Variants in OTP observed in about 807,000 individuals in gnomAD.
OTP encodes homeobox protein orthopedia.
OTP carries 5 observed loss-of-function variants against 22.3 expected under a neutral mutation model. The ratio of observed to expected loss-of-function variants is 0.22; its 90% CI spans 0.12 to 0.47. The LOEUF (loss-of-function observed/expected upper bound fraction) is 0.47, where lower values mean the gene tolerates loss of function less well. OTP is among the 20% of genes least tolerant of loss of function. The pLI is 0.99. For missense variants in OTP, 428 were observed against 456.2 expected (o/e 0.94, Z 0.56); for synonymous variants, 229 against 210.6 (o/e 1.09, Z -0.76).
intron 2 of OTP, among the ~76,000 whole-genome samples, chr5:77,632,654 C>G (rs1405414467): frequency 1.3e-5 from 2 of 152,160 alleles, no homozygotes; most frequent in Non-Finnish European, 2.9e-5. Context: ...GGGGCCGGCC[C>G]TCGCCTTTCT....
chr5:77,637,670 G>C (rs1261150033), intron 1 of OTP, among the ~76,000 whole-genome samples: 1 of 152,096 alleles, frequency 6.6e-6, no homozygotes, highest in Non-Finnish European at 1.5e-5. Flanking sequence ...CTGTACCTCC[G>C]GCCCTCAGCC....
chr5:77,637,639 G>A (rs531625842), intron 1 of OTP, among the ~76,000 whole-genome samples: 18 of 152,278 alleles, frequency 1.2e-4, no homozygotes, highest in Non-Finnish European at 2.4e-4. Context: ...TGCGGCACCT[G>A]CGCTTCGGCA....
At position 77,636,805 on chromosome 5, in the gene OTP, C is replaced by A. The variant is rs200266548; in HGVS notation, c.447+16G>T. 1.2e-3 allele frequency: 1,875 copies of A among 1,597,664 alleles called. 2 individuals are homozygous for A. Among genetic ancestry groups the A allele is most frequent in the Admixed American group, 3.7e-3 (219 of 59,042 alleles). The stretch of plus-strand genomic sequence containing the variant: ...CCTGTCCTTGCCTTCTGTCCCAGAT[C>A]CCAAGCCCCTCGTACCTGCACTCGG... On this transcript the variant is annotated intron_variant, in intron 2 of 2. Coordinates refer to ENST00000306422, the MANE Select transcript of OTP (RefSeq NM_032109.3).
rs771645079 is a variant in OTP, at chr5:77,636,842, C to T, written c.426G>A (p.Gly142=). Residue 142 remains glycine, a synonymous_variant, in exon 2 of 3, where the codon GGG becomes GGA. Transcript: ENST00000306422. The stretch of plus-strand genomic sequence containing the variant: ...GTACCTGCACTCGGGACTCGGTCAG[C>T]CCGATACGCAGTGCCAGCTCCTCAC... ...FMREELALRI[G]LTESRVQVWF... The T allele has an allele frequency of 6.2e-7, 1 of 1,613,142 alleles. No homozygotes were observed. Among genetic ancestry groups the T allele is most frequent in the South Asian group, 1.1e-5 (1 of 90,872 alleles).
At chr5:77,632,940 T>C (rs957124833) in intron 2 of OTP, among the ~76,000 whole-genome samples, 1 of 152,080 alleles carries the variant, frequency 6.6e-6, no homozygotes, top group Admixed American at 6.5e-5. Context: ...CGAAAGTCGC[T>C]GTGCAGCACC....
Position 77,630,428 on chromosome 5 carries a change from C to T in OTP, c.814G>A (p.Ala272Thr). The T allele has an allele frequency of 1.3e-6, 2 of 1,580,362 alleles. No homozygotes were observed. The highest frequency in any genetic ancestry group is 1.7e-6 in the Non-Finnish European group (2 of 1,165,272). Reference sequence around the variant, plus strand: ...GAGGCGGGCACCATGCCGGGGAAGGCGGGCTGGTAGAGGTGCGACTGCAGC... The same window carrying T: ...GAGGCGGGCACCATGCCGGGGAAGGTGGGCTGGTAGAGGTGCGACTGCAGC... Reference protein sequence around the residue: ...AGLQSHLYQPAFPGMVPASLP... With the variant: ...AGLQSHLYQPTFPGMVPASLP... Residue 272 changes from alanine (A) to threonine (T), a missense_variant, in exon 3 of 3, where the codon GCC (alanine) becomes ACC (threonine). Transcript: ENST00000306422.
In OTP at chr5:77,634,884, C is replaced by A. The variant is rs566393904; in HGVS notation, c.447+1937G>T. 2.8e-4 allele frequency among the ~76,000 whole-genome samples: 42 copies of A among 152,268 alleles called. No individual in the cohort carries two copies. In the South Asian group the frequency reaches 5.6e-3, roughly 20 times the overall value. On this transcript the variant is annotated intron_variant, in intron 2 of 2. Coordinates refer to ENST00000306422, the MANE Select transcript of OTP (RefSeq NM_032109.3). ...TCTTTGCTTGAACATTATGCTGGAA[C>A]AATTAGAGTACTTTGTCTCTTTCTT...
rs1437013286 is a variant in OTP, at chr5:77,630,292, T to G, written c.950A>C (p.Glu317Ala). ...SIASLRRKALEHTVSMSFT is the reference protein window; with the variant it reads ...SIASLRRKALAHTVSMSFT ...AGTGAAGCTCATAGAGACTGTGTGCTCTAGCGCCTTGCGGCGGAGGGAGGC... is the reference window on the plus strand; with the variant it reads ...AGTGAAGCTCATAGAGACTGTGTGCGCTAGCGCCTTGCGGCGGAGGGAGGC... Residue 317 changes from glutamate (E) to alanine (A), a missense_variant, in exon 3 of 3, where the codon GAG becomes GCG. Glu to Ala is a moderately radical substitution (Grantham distance 107, BLOSUM62 -1). Around this residue, in one of 3 missense-constraint regions of OTP, gnomAD observed 236 missense variants for 238.1 expected, o/e 0.99. Transcript: ENST00000306422. The G allele has an allele frequency of 6.4e-7, 1 of 1,561,308 alleles. No individual in the cohort carries two copies. The highest frequency in any genetic ancestry group is 8.6e-7 in the Non-Finnish European group (1 of 1,156,388).
rs924935245 is a variant in OTP at position 77,637,283 on chromosome 5, G to A, written c.38-53C>T. On this transcript the variant is annotated intron_variant, in intron 1 of 2. Coordinates refer to ENST00000306422, the MANE Select transcript of OTP (RefSeq NM_032109.3). The stretch of plus-strand genomic sequence containing the variant: ...TACTTTCTTGGCGATGCCAGGAGGG[G>A]CTGTCTTCCCCGCGCAGCCTTCCTT... 11 of 1,452,600 alleles carry A rather than the reference G, an allele frequency of 7.6e-6. No homozygotes were observed. The African/African-American group carries it at 1.1e-4, about 15-fold the overall frequency. The allele number at this position is 1,452,600 out of a possible 1,614,324, so 90.0% of individuals were successfully genotyped here. A position where few individuals can be genotyped will look rare whatever the true frequency, so the allele number is the denominator to read the frequency against.
chr5:77,630,352 G>C lies in OTP; in HGVS notation c.890C>G (p.Pro297Arg). 6.4e-7 allele frequency: 1 copy of C among 1,573,994 alleles called. No homozygotes were observed. Among genetic ancestry groups the C allele is most frequent in the Non-Finnish European group, 8.6e-7 (1 of 1,163,610 alleles). Reference protein sequence around the residue: ...VSGSPQLCSSPDSSDVWRGTS... With the variant: ...VSGSPQLCSSRDSSDVWRGTS... Reference sequence around the variant, plus strand: ...GCCCCGCCACACGTCGCTGCTGTCCGGGGAGCTGCAGAGCTGGGGCGAACC... The same window carrying C: ...GCCCCGCCACACGTCGCTGCTGTCCCGGGAGCTGCAGAGCTGGGGCGAACC... The change falls in exon 3 of 3, where the codon CCG (proline) becomes CGG (arginine). Residue 297 changes from proline to arginine, a missense_variant. Coordinates refer to ENST00000306422, the MANE Select transcript of OTP (RefSeq NM_032109.3).
Position 77,638,522 on chromosome 5 carries a change from C to G in OTP, c.28G>C (p.Ala10Pro), listed in dbSNP as rs776900513. 1.1e-5 allele frequency: 18 copies of G among 1,577,188 alleles called. 1 individual carries two copies. The South Asian group carries it at 1.6e-4, about 14-fold the overall frequency. Residue 10 changes from alanine (A) to proline (P), a missense_variant, in exon 1 of 3, where the codon GCC (alanine) becomes CCC (proline). Ala to Pro is a conservative substitution (Grantham distance 27). This residue lies in a region of OTP where 176 missense variants were observed against 162.9 expected (regional missense o/e 1.08). Transcript: ENST00000306422. ...AGAGGCGCGCACTCACCTAGCCTGG[C>G]GTCCAGGAGGTCGGCATGAGACAGC... MLSHADLLD[A>P]RLGMKDAAEL... is the part of the protein sequence containing the mutation.
chr5:77,636,701 C>G, intron 2 of OTP, 120 bp downstream of exon 2: 10 of 979,048 alleles, frequency 1.0e-5, no homozygotes, highest in Non-Finnish European at 1.5e-5. Flanking sequence ...GATACAGGAA[C>G]GCACAGGCAG....
rs1188588467 is a variant in OTP, at chr5:77,628,892, T to G, written c.*1372A>C. ...CAAATTGACCAGTATGTAACAAGAA[T>G]GCTTTATCTACACAAAACATCCTAT... On this transcript the variant is annotated 3_prime_UTR_variant, in exon 3 of 3. Transcript: ENST00000306422. 6.6e-6 allele frequency: 1 copy of G among 152,628 alleles called. No homozygotes were observed. Among genetic ancestry groups the G allele is most frequent in the East Asian group, 1.9e-4 (1 of 5,200 alleles). 9.5% of individuals were successfully genotyped at this position (152,628 alleles called of 1,614,324 possible). A position where few individuals can be genotyped will look rare whatever the true frequency, so the allele number is the denominator to read the frequency against.
chr5:77,630,522 G>A lies in OTP; in HGVS notation c.720C>T (p.Ser240=), dbSNP rs372055460. 225 of 1,589,010 alleles carry A rather than the reference G, an allele frequency of 1.4e-4. No individual in the cohort carries two copies. The highest frequency in any genetic ancestry group is 1.8e-4 in the Non-Finnish European group (213 of 1,170,618). ...AGTTGGGCGGCGGACCGGCCGCCAGGCTGCACTGGGACAGCGACTGCGCCA... is the reference window on the plus strand; with the variant it reads ...AGTTGGGCGGCGGACCGGCCGCCAGACTGCACTGGGACAGCGACTGCGCCA... ...QAMAQSLSQC[S]LAAGPPPNSM... is the part of the protein sequence containing the mutation. Residue 240 remains serine (S), a synonymous_variant, in exon 3 of 3, where the codon AGC becomes AGT. Transcript: ENST00000306422.
At position 77,630,803 on chromosome 5, in the gene OTP, G is replaced by C; in HGVS notation, c.448-9C>G. 1.3e-6 allele frequency: 2 copies of C among 1,525,486 alleles called. No individual in the cohort carries two copies. The highest frequency in any genetic ancestry group is 8.7e-7 in the Non-Finnish European group (1 of 1,144,868). The allele number at this position is 1,525,486 out of a possible 1,614,324, so 94.5% of individuals were successfully genotyped here. ...CGGTTCTGGAACCAGACCTGGAGCG[G>C]GCGGGGCGGGAGACAGACAGGGAGC... On this transcript the variant is annotated splice_polypyrimidine_tract_variant and intron_variant, in intron 2 of 2. Transcript: ENST00000306422.
Position 77,630,338 on chromosome 5 carries a change from C to G in OTP, c.904G>C (p.Val302Leu). The G allele has an allele frequency of 6.4e-7, 1 of 1,570,086 alleles. No homozygotes were observed. The highest frequency in any genetic ancestry group is 8.6e-7 in the Non-Finnish European group (1 of 1,161,546). The change falls in exon 3 of 3, where the codon GTG becomes CTG. Residue 302 changes from valine to leucine, a missense_variant. By Grantham distance (32) the Val-to-Leu change is conservative. Coordinates refer to ENST00000306422, the MANE Select transcript of OTP (RefSeq NM_032109.3). ...QLCSSPDSSD[V>L]WRGTSIASLR... is the part of the protein sequence containing the mutation. ...GAGGCGATGCTGGTGCCCCGCCACA[C>G]GTCGCTGCTGTCCGGGGAGCTGCAG...
chr5:77,632,796 G>A (rs1744951035), intron 2 of OTP, among the ~76,000 whole-genome samples: 1 of 152,152 alleles, frequency 6.6e-6, no homozygotes, highest in African/African-American at 2.4e-5. Context: ...GTGAGCTGGT[G>A]GCACAACGGA....
At chr5:77,634,467 T>C (rs12697870) in intron 2 of OTP, among the ~76,000 whole-genome samples, 62,419 of 151,976 alleles carry the variant, frequency 0.41, 13,368 homozygotes, top group Admixed American at 0.46. Flanking sequence ...GATAATTTAG[T>C]CTAGAATCAA....
At chr5:77,631,226 G>A (rs920743838) in intron 2 of OTP, among the ~76,000 whole-genome samples, 7 of 152,210 alleles carry the variant, frequency 4.6e-5, no homozygotes, top group Non-Finnish European at 1.0e-4. Context: ...ACACTGATGT[G>A]CTATAGAATT....
Sources: gnomAD v4.1 joint callset for allele counts (sites outside exome capture counted in the v4.1 genomes callset) on GRCh38, gnomAD v4.1.1 for gene constraint, gnomAD v4.1.1 regional missense constraint, MANE v1.5 for transcripts, NCBI Gene and HGNC (gene_info 2026-07-23, HGNC 2026-07-21) for gene names.